UBE2K: variants seen among roughly 807,000 people sequenced by gnomAD.
UBE2K encodes the protein ubiquitin-conjugating enzyme E2 K.
In UBE2K, 6 loss-of-function variants were observed where a neutral mutation model predicts 30.0. The ratio of observed to expected loss-of-function variants is 0.20; its 90% CI spans 0.11 to 0.39. The LOEUF (loss-of-function observed/expected upper bound fraction) is 0.39. Ranked by LOEUF, UBE2K falls within the 10% of genes least tolerant of loss-of-function variation. UBE2K has a pLI of 1.00. For synonymous variants in UBE2K, 86 were observed against 83.7 expected (o/e 1.03, Z -0.15); for missense variants, 61 against 241.6 (o/e 0.25, Z 4.96).
intron 3 of UBE2K, among the ~76,000 whole-genome samples, chr4:39,747,805 CTTT>C (rs770743576): frequency 6.5e-5 from 9 of 137,830 alleles, no homozygotes; most frequent in Admixed American, 1.5e-4. Flanking sequence ...TTGTTGTTTT[CTTT>C]TTTTTTTTTT....
chr4:39,736,012 GGTT>G (rs1468886850), intron 1 of UBE2K, among the ~76,000 whole-genome samples: 11 of 45,978 alleles, frequency 2.4e-4, no homozygotes, highest in African/African-American at 1.9e-3. Context: ...TAAAAATTGT[GGTT>G]TTTTTTTTTG....
chr4:39,749,201 C>G, intron 3 of UBE2K, among the ~76,000 whole-genome samples: 1 of 152,120 alleles, frequency 6.6e-6, no homozygotes, highest in East Asian at 1.9e-4. Flanking sequence ...GAAGAGTAGG[C>G]TTACTTCTAA....
At chr4:39,758,209 C>T (rs1040394290) in intron 4 of UBE2K, among the ~76,000 whole-genome samples, 5 of 152,184 alleles carry the variant, frequency 3.3e-5, no homozygotes, top group African/African-American at 1.2e-4. Flanking sequence ...CTCTGGTACC[C>T]CATGCCCTGT....
At chr4:39,723,695 TAGAG>T (rs530437180) in intron 1 of UBE2K, among the ~76,000 whole-genome samples, 1,855 of 152,304 alleles carry the variant, frequency 0.012, 16 homozygotes, top group Non-Finnish European at 0.018. Flanking sequence ...ATTAATAAAT[TAGAG>T]GGAAAACTCA....
chr4:39,763,665 C>T (rs7683797), intron 4 of UBE2K, among the ~76,000 whole-genome samples: 29,335 of 151,486 alleles, frequency 0.19, 2,886 homozygotes, highest in South Asian at 0.25. Context: ...CAGGCTCCAC[C>T]GCCAACACTG....
intron 4 of UBE2K, among the ~76,000 whole-genome samples, chr4:39,762,936 CTTTT>C (rs869207095): frequency 4.8e-4 from 38 of 78,692 alleles, no homozygotes; most frequent in African/African-American, 1.2e-3. Context: ...CCAAAAAACA[CTTTT>C]TTTTTTTTTT....
chr4:39,736,034 G>T (rs1481460666), intron 1 of UBE2K, among the ~76,000 whole-genome samples: 1 of 151,286 alleles, frequency 6.6e-6, no homozygotes, highest in Non-Finnish European at 1.5e-5. Flanking sequence ...TGGGTTGGAG[G>T]AGGAAGCCAA....
intron 5 of UBE2K, among the ~76,000 whole-genome samples, chr4:39,775,923 C>T (rs149837718): frequency 1.3e-5 from 2 of 152,136 alleles, no homozygotes; most frequent in Non-Finnish European, 2.9e-5. Flanking sequence ...TCTTACTCGT[C>T]TTTCTTAAAT....
At chr4:39,754,675 A>AT (rs1228370209) in intron 3 of UBE2K, among the ~76,000 whole-genome samples, 1 of 152,004 alleles carries the variant, frequency 6.6e-6, no homozygotes, top group Non-Finnish European at 1.5e-5. Context: ...TGCCCAGCTA[A>AT]TTTTTTTATT....
At chr4:39,748,193 G>T (rs1250970204) in intron 3 of UBE2K, among the ~76,000 whole-genome samples, 1 of 152,060 alleles carries the variant, frequency 6.6e-6, no homozygotes, top group Non-Finnish European at 1.5e-5. Context: ...TTTAATTTTT[G>T]AAATAAATAT....
rs572418601 is a variant in UBE2K, at chr4:39,782,111, C to T, written c.*3677C>T. 2 of 394,918 alleles carry T rather than the reference C, an allele frequency of 5.1e-6. No homozygotes were observed. The highest frequency in any genetic ancestry group is 8.8e-5 in the Admixed American group (2 of 22,662). The allele number at this position is 394,918 out of a possible 1,614,324, so 24.5% of individuals were successfully genotyped here. A position where few individuals can be genotyped will look rare whatever the true frequency, so the allele number is the denominator to read the frequency against. ...GTTACTGCTTCATTGGACTGATACA[C>T]CCTCATGAACTTGCAATCACCTAAA... On this transcript the variant is annotated 3_prime_UTR_variant, in exon 7 of 7. Transcript: ENST00000261427.
intron 6 of UBE2K, among the ~76,000 whole-genome samples, chr4:39,778,043 A>G (rs1376267421): frequency 7.6e-6 from 1 of 132,444 alleles, no homozygotes; most frequent in Non-Finnish European, 1.6e-5. Context: ...GGCTGCAGTG[A>G]GCGATAGTCA....
chr4:39,754,180 G>A (rs1721413037), intron 3 of UBE2K, among the ~76,000 whole-genome samples: 1 of 152,118 alleles, frequency 6.6e-6, no homozygotes, highest in Non-Finnish European at 1.5e-5. Flanking sequence ...AGAAGGGAAG[G>A]CAGTAAAGTC....
At chr4:39,703,082 C>G (rs1024849564) in intron 1 of UBE2K, among the ~76,000 whole-genome samples, 4 of 152,122 alleles carry the variant, frequency 2.6e-5, no homozygotes, top group Non-Finnish European at 5.9e-5. Flanking sequence ...CAACCTCCAC[C>G]TCCTGGTTGC....
chr4:39,702,827 T>C (rs1265034908), intron 1 of UBE2K, among the ~76,000 whole-genome samples: 4 of 151,970 alleles, frequency 2.6e-5, no homozygotes, highest in Non-Finnish European at 5.9e-5. Flanking sequence ...GATAGTTCTT[T>C]GTTGAGTGGC....
At chr4:39,712,889 G>A (rs1035717521) in intron 1 of UBE2K, among the ~76,000 whole-genome samples, 1 of 149,476 alleles carries the variant, frequency 6.7e-6, no homozygotes, top group Non-Finnish European at 1.5e-5. Flanking sequence ...TAAATGAGAC[G>A]GAGTCTCGCT....
At chr4:39,723,034 C>T (rs935276583) in intron 1 of UBE2K, among the ~76,000 whole-genome samples, 5 of 151,280 alleles carry the variant, frequency 3.3e-5, no homozygotes, top group African/African-American at 1.2e-4. Flanking sequence ...GATCCACTCA[C>T]CTCTCTTTTT....
chr4:39,752,481 C>T (rs1020241983), intron 3 of UBE2K, among the ~76,000 whole-genome samples: 3 of 151,934 alleles, frequency 2.0e-5, no homozygotes, highest in African/African-American at 4.8e-5. Flanking sequence ...GGACTACAGG[C>T]GCCCGCCACC....
intron 3 of UBE2K, among the ~76,000 whole-genome samples, chr4:39,752,945 A>T (rs1721346648): frequency 6.6e-6 from 1 of 152,152 alleles, no homozygotes. Flanking sequence ...GCCTGAGCCC[A>T]GAAGGTTAGG....
Sources: allele counts gnomAD v4.1 joint callset (sites outside exome capture counted in the v4.1 genomes callset), GRCh38; gene constraint gnomAD v4.1.1; transcripts MANE v1.5; gene names NCBI Gene and HGNC (gene_info 2026-07-23, HGNC 2026-07-21).